PDCD6IP: variants seen among roughly 807,000 people sequenced by gnomAD.
PDCD6IP encodes programmed cell death 6 interacting protein.
Under a neutral mutation model 103.7 loss-of-function variants are expected in PDCD6IP, and 43 were observed. The observed-to-expected ratio is 0.41, with a 90% CI of 0.32 to 0.53. The LOEUF (loss-of-function observed/expected upper bound fraction) is 0.53. Among genes scored for constraint, PDCD6IP ranks in the 20% least tolerant of loss-of-function variants. The pLI is 0.16. For synonymous variants in PDCD6IP, 354 were observed against 378.7 expected (o/e 0.93, Z 0.76); for missense variants, 871 against 1,036.7 (o/e 0.84, Z 2.20).
At chr3:33,851,623 C>T (rs570777353) in intron 12 of PDCD6IP, among the ~76,000 whole-genome samples, 1 of 151,874 alleles carries the variant, frequency 6.6e-6, no homozygotes, top group Non-Finnish European at 1.5e-5. Flanking sequence ...AGGTGCACAC[C>T]ATTGCACCCA....
intron 12 of PDCD6IP, among the ~76,000 whole-genome samples, chr3:33,849,334 AC>A (rs1697664686): frequency 6.6e-6 from 1 of 151,734 alleles, no homozygotes; most frequent in Non-Finnish European, 1.5e-5. Flanking sequence ...CGTGGCTGTT[AC>A]CTCTTTTTCA....
intron 3 of PDCD6IP, among the ~76,000 whole-genome samples, chr3:33,820,158 C>G (rs1696956416): frequency 6.6e-6 from 1 of 152,116 alleles, no homozygotes; most frequent in Non-Finnish European, 1.5e-5. Context: ...GTGGCCTGTG[C>G]CTGTAGTCCC....
intron 9 of PDCD6IP, among the ~76,000 whole-genome samples, chr3:33,840,188 T>G (rs113427047): frequency 0.04 from 6,130 of 152,258 alleles, 190 homozygotes; most frequent in South Asian, 0.073. Context: ...TATTATATAG[T>G]ATATTCTTAT....
intron 1 of PDCD6IP, among the ~76,000 whole-genome samples, 171 bp from the exon 2 acceptor site, chr3:33,811,901 C>G (rs754306517): frequency 6.6e-6 from 1 of 152,128 alleles, no homozygotes; most frequent in Non-Finnish European, 1.5e-5. Flanking sequence ...TAGTTTTTCA[C>G]TGCATATATT....
chr3:33,798,999 C>T (rs1052089091), intron 1 of PDCD6IP, 62 bp downstream of exon 1: 4 of 1,369,118 alleles, frequency 2.9e-6, no homozygotes, highest in Middle Eastern at 2.6e-4. Context: ...CTCCTCTTCC[C>T]GTCTCCCCCC....
chr3:33,809,488 A>G (rs999619564), intron 1 of PDCD6IP, among the ~76,000 whole-genome samples: 5 of 152,238 alleles, frequency 3.3e-5, no homozygotes, highest in East Asian at 1.9e-4. Flanking sequence ...AAGACCTTCA[A>G]CATTTTTGGA....
chr3:33,813,629 G>C lies in PDCD6IP; in HGVS notation c.334+1G>C. ...CTTTTTGGAGGCTCTGTAAAACTGGGTATGTAATTTTTAATAAAAGTGATA... is the reference window on the plus strand; with the variant it reads ...CTTTTTGGAGGCTCTGTAAAACTGGCTATGTAATTTTTAATAAAAGTGATA... On this transcript the variant is annotated splice_donor_variant, in intron 3 of 17. Transcript: ENST00000307296. LOFTEE classifies it high-confidence loss of function. 1 of 1,564,034 alleles carries C rather than the reference G, an allele frequency of 6.4e-7. No homozygotes were observed. The highest frequency in any genetic ancestry group is 8.8e-7 in the Non-Finnish European group (1 of 1,136,998).
At position 33,813,725 on chromosome 3, in the gene PDCD6IP, T is replaced by C. The variant is rs1021422046; in HGVS notation, c.334+97T>C. 3 of 714,848 alleles carry C rather than the reference T, an allele frequency of 4.2e-6. No homozygotes were observed. In the Admixed American group the frequency reaches 7.4e-5, roughly 18 times the overall value. The allele number at this position is 714,848 out of a possible 1,614,324, so 44.3% of individuals were successfully genotyped here. On this transcript the variant is annotated intron_variant, in intron 3 of 17. Transcript: ENST00000307296. Reference sequence around the variant, plus strand: ...TGTTATCCTAATGACTCTTTGTAAATACTAAAGTTTTTTACATTTCATTCT... The same window carrying C: ...TGTTATCCTAATGACTCTTTGTAAACACTAAAGTTTTTTACATTTCATTCT...
At chr3:33,854,195 T>G (rs1697780427) in intron 14 of PDCD6IP, among the ~76,000 whole-genome samples, 182 bp downstream of exon 14, 1 of 152,232 alleles carries the variant, frequency 6.6e-6, no homozygotes, top group Non-Finnish European at 1.5e-5. Flanking sequence ...TGGCAACATT[T>G]CATGGGAACT....
rs570188814 is a variant in PDCD6IP at position 33,807,549 on chromosome 3, A to G, written c.210-4523A>G. 1.2e-3 allele frequency among the ~76,000 whole-genome samples: 169 copies of G among 145,758 alleles called. 1 individual carries two copies. The highest frequency in any genetic ancestry group is 3.7e-3 in the African/African-American group (148 of 40,354). On this transcript the variant is annotated intron_variant, in intron 1 of 17. Transcript: ENST00000307296. ...GGTGACTCAGCAAATTATCTCACCT[A>G]CGGCCCCCTGGGGCAGGTGCCCACA...
intron 1 of PDCD6IP, among the ~76,000 whole-genome samples, chr3:33,800,119 CAAAAAAAAAAAA>C (rs1173163869): frequency 2.0e-5 from 1 of 50,890 alleles, no homozygotes; most frequent in South Asian, 6.8e-4. Context: ...GACTCCATCT[CAAAAAAAAAAAA>C]AAAAAAAAAA....
intron 3 of PDCD6IP, among the ~76,000 whole-genome samples, chr3:33,818,513 CTTTTTTTTT>C (rs61405380): frequency 2.2e-5 from 2 of 89,264 alleles, no homozygotes; most frequent in Non-Finnish European, 4.1e-5. Flanking sequence ...TGATCCCTTG[CTTTTTTTTT>C]TTTTTTTTTT....
At chr3:33,818,719 A>G (rs996872309) in intron 3 of PDCD6IP, among the ~76,000 whole-genome samples, 2 of 151,772 alleles carry the variant, frequency 1.3e-5, no homozygotes, top group Non-Finnish European at 2.9e-5. Flanking sequence ...GGGTTTCACC[A>G]TGTTGGCCAG....
chr3:33,848,466 G>A (rs1296400586), intron 12 of PDCD6IP, among the ~76,000 whole-genome samples: 4 of 151,332 alleles, frequency 2.6e-5, no homozygotes, highest in Admixed American at 2.0e-4. Context: ...GAGCAGTGGC[G>A]CAATCTTGGC....
Position 33,838,227 on chromosome 3 carries a change from G to C in PDCD6IP, c.1081G>C (p.Val361Leu). ...AGATCTGTTTGAGAAGATGGTTCCC[G>C]TGTCAGTACAGCAGTCTTTGGCTGC... is the stretch of plus-strand genomic sequence containing the variant. The part of the protein sequence containing the change: ...FTDLFEKMVP[V>L]SVQQSLAAYN... Residue 361 changes from valine to leucine, a missense_variant, in exon 9 of 18, where the codon GTG becomes CTG. This residue lies in a region of PDCD6IP where 242 missense variants were observed against 250.7 expected (regional missense o/e 0.97). Transcript: ENST00000307296. 6.8e-6 allele frequency: 11 copies of C among 1,613,604 alleles called. No individual in the cohort carries two copies. The highest frequency in any genetic ancestry group is 9.3e-6 in the Non-Finnish European group (11 of 1,179,662).
chr3:33,843,139 T>C (rs184983450), intron 10 of PDCD6IP, among the ~76,000 whole-genome samples: 3 of 152,320 alleles, frequency 2.0e-5, no homozygotes, highest in Admixed American at 2.0e-4. Flanking sequence ...GAATCTCAGA[T>C]AATACTTCTT....
At position 33,866,605 on chromosome 3, in the gene PDCD6IP, G is replaced by T. The variant is rs1254487481; in HGVS notation, c.*80G>T. The T allele has an allele frequency of 1.7e-6, 2 of 1,187,236 alleles. No individual in the cohort carries two copies. Among genetic ancestry groups the T allele is most frequent in the African/African-American group, 1.5e-5 (1 of 64,770 alleles). 73.5% of individuals were successfully genotyped at this position (1,187,236 alleles called of 1,614,324 possible). ...CTGCAATAAGTGTACTAAACTCTAC[G>T]CTCTGGTTAATGTAATGTACTCTCC... is the stretch of plus-strand genomic sequence containing the variant. On this transcript the variant is annotated 3_prime_UTR_variant, in exon 18 of 18. Coordinates refer to ENST00000307296, the MANE Select transcript of PDCD6IP (RefSeq NM_013374.6).
chr3:33,816,724 A>T (rs935457151), intron 3 of PDCD6IP, among the ~76,000 whole-genome samples: 8 of 152,060 alleles, frequency 5.3e-5, no homozygotes, highest in Non-Finnish European at 1.0e-4. Context: ...GGAAACAGTA[A>T]ATGTGGGTTG....
chr3:33,812,161 A>G (rs1696733388), intron 2 of PDCD6IP, 35 bp downstream of exon 2: 1 of 1,579,482 alleles, frequency 6.3e-7, no homozygotes, highest in African/African-American at 1.4e-5. Flanking sequence ...ATTATATGGT[A>G]ATAGCACCCA....
Sources: allele counts gnomAD v4.1 joint callset (sites outside exome capture counted in the v4.1 genomes callset), GRCh38; gene constraint gnomAD v4.1.1; regional missense constraint gnomAD v4.1.1; transcripts MANE v1.5; gene names NCBI Gene and HGNC (gene_info 2026-07-23, HGNC 2026-07-21).